Variants in PTPRN2 observed in about 807,000 individuals in gnomAD.
PTPRN2 encodes protein tyrosine phosphatase receptor type N2.
In PTPRN2, 74 loss-of-function variants were observed where a neutral mutation model predicts 118.8. The ratio of observed to expected loss-of-function variants is 0.62; its 90% CI spans 0.52 to 0.76. The LOEUF is 0.76. Ranked by LOEUF, PTPRN2 falls within the 30% of genes least tolerant of loss-of-function variation. PTPRN2 has a pLI of 0.00. For missense variants in PTPRN2, 1,481 were observed against 1,394.4 expected (o/e 1.06, Z -0.99); for synonymous variants, 641 against 608.0 (o/e 1.05, Z -0.80).
intron 3 of PTPRN2, among the ~76,000 whole-genome samples, chr7:158,212,318 T>C (rs1010677469): frequency 2.0e-5 from 3 of 152,168 alleles, no homozygotes; most frequent in South Asian, 2.1e-4. Flanking sequence ...TGGTACTTGA[T>C]AGCACAACAG....
Position 157,610,953 on chromosome 7 carries a change from C to T in PTPRN2, c.2345-6878G>A, listed in dbSNP as rs1442858050. Among the ~76,000 whole-genome samples the T allele has an allele frequency of 6.6e-6, 1 of 152,226 alleles. No homozygotes were observed. The highest frequency in any genetic ancestry group is 1.5e-5 in the Non-Finnish European group (1 of 68,042). On this transcript the variant is annotated intron_variant, in intron 15 of 22. Coordinates refer to ENST00000389418, the MANE Select transcript of PTPRN2 (RefSeq NM_002847.5). The surrounding 1 kb of genome is among the most constrained non-coding windows in gnomAD (Gnocchi z 5.1). ...CGCAGCTCAGCATACAATGCTGCAT[C>T]TGGGCAGACTGGGACAGGCTGGGGC...
intron 6 of PTPRN2, among the ~76,000 whole-genome samples, chr7:158,159,544 A>G (rs1330839248): frequency 6.6e-6 from 1 of 152,234 alleles, no homozygotes; most frequent in African/African-American, 2.4e-5. Context: ...GAGGGCGCAG[A>G]ACCAAGATGA....
intron 12 of PTPRN2, among the ~76,000 whole-genome samples, chr7:157,807,246 C>T (rs954790557): frequency 6.6e-6 from 1 of 152,190 alleles, no homozygotes; most frequent in African/African-American, 2.4e-5. Flanking sequence ...TCCGTGCCCT[C>T]TTGAGATGGG....
intron 11 of PTPRN2, chr7:158,028,337 G>A (rs12532742): frequency 0.048 from 7,300 of 152,582 alleles, 237 homozygotes; most frequent in Admixed American, 0.087. Context: ...AGGAGAGCAA[G>A]AGCAGAAGCT....
At chr7:158,089,781 C>G in intron 10 of PTPRN2, among the ~76,000 whole-genome samples, 1 of 118,716 alleles carries the variant, frequency 8.4e-6, no homozygotes, top group Non-Finnish European at 1.8e-5. Context: ...GGGGAATGTT[C>G]ACACAAATCC....
chr7:158,116,056 T>G (rs929820041), intron 9 of PTPRN2, among the ~76,000 whole-genome samples: 9 of 152,184 alleles, frequency 5.9e-5, no homozygotes, highest in African/African-American at 2.2e-4. Context: ...CTCACCCACG[T>G]GGGGTAGGCT....
At chr7:158,346,597 T>C (rs1343786919) in intron 2 of PTPRN2, among the ~76,000 whole-genome samples, 1 of 152,188 alleles carries the variant, frequency 6.6e-6, no homozygotes, top group East Asian at 1.9e-4. Context: ...CAGATCTCTC[T>C]TCAACATGCT....
intron 13 of PTPRN2, among the ~76,000 whole-genome samples, chr7:157,675,277 G>T (rs79638539): frequency 0.047 from 7,215 of 152,228 alleles, 279 homozygotes; most frequent in East Asian, 0.13. Context: ...CTCCTGCCGA[G>T]CCCTCACCTC....
intron 1 of PTPRN2, among the ~76,000 whole-genome samples, chr7:158,538,373 G>A (rs370834823): frequency 6.6e-6 from 1 of 152,200 alleles, no homozygotes; most frequent in East Asian, 1.9e-4. Context: ...TCACCCCTGC[G>A]CGGCGTGTCC....
In PTPRN2 at chr7:157,987,147, G is replaced by A. The variant is rs975325264; in HGVS notation, c.1724-88410C>T. On this transcript the variant is annotated intron_variant, in intron 11 of 22. Coordinates refer to ENST00000389418, the MANE Select transcript of PTPRN2 (RefSeq NM_002847.5). This position sits in a 1 kb window ranked among gnomAD's most constrained non-coding sequence, Gnocchi z 4.3. The stretch of plus-strand genomic sequence containing the variant: ...AACAGCTGCACTGCCCCAGCACGCC[G>A]CCCACGCTTGGTCGGCAACACAGAG... 5.3e-5 allele frequency among the ~76,000 whole-genome samples: 8 copies of A among 152,140 alleles called. No homozygotes were observed. The highest frequency in any genetic ancestry group is 2.6e-4 in the Admixed American group (4 of 15,280).
At chr7:157,684,408 GAGA>G (rs1458764374) in intron 12 of PTPRN2, among the ~76,000 whole-genome samples, 13 of 140,928 alleles carry the variant, frequency 9.2e-5, no homozygotes, top group Admixed American at 2.8e-4. Flanking sequence ...GGGGGAGAGG[GAGA>G]GGAGGCGCGG....
chr7:157,730,193 C>CA (rs1002056088), intron 12 of PTPRN2, among the ~76,000 whole-genome samples: 37 of 152,066 alleles, frequency 2.4e-4, no homozygotes, highest in Non-Finnish European at 3.8e-4. Context: ...CCCCTGCCCC[C>CA]CCCCGGGCAC....
rs189361697 is a variant in PTPRN2, at chr7:158,247,178, T to C, written c.278-41905A>G. Among the ~76,000 whole-genome samples, 587 of 152,186 alleles carry C rather than the reference T, an allele frequency of 3.9e-3. 4 individuals are homozygous for C. Among genetic ancestry groups the C allele is most frequent in the Non-Finnish European group, 6.6e-3 (449 of 68,000 alleles). ...CCCCTGCATCTCACTACACAGAGCG[T>C]GGCCCGTGGGTGGCACCCCCCAGCA... is the stretch of plus-strand genomic sequence containing the variant. On this transcript the variant is annotated intron_variant, in intron 3 of 22. Transcript: ENST00000389418.
chr7:158,146,720 CAAA>C (rs1380414832), intron 6 of PTPRN2, among the ~76,000 whole-genome samples: 7 of 88,652 alleles, frequency 7.9e-5, no homozygotes, highest in Non-Finnish European at 9.2e-5. Context: ...GACTCTGCCT[CAAA>C]AAAAAAAAAA....
intron 1 of PTPRN2, among the ~76,000 whole-genome samples, chr7:158,549,069 C>A (rs1292598756): frequency 1.3e-5 from 2 of 152,194 alleles, no homozygotes; most frequent in African/African-American, 4.8e-5. Flanking sequence ...GGGAGCAGGA[C>A]TGAGAAGCTG....
chr7:157,968,219 C>A (rs535830651), intron 11 of PTPRN2, among the ~76,000 whole-genome samples: 1 of 152,162 alleles, frequency 6.6e-6, no homozygotes, highest in African/African-American at 2.4e-5. Flanking sequence ...ATGTAACAAG[C>A]GGTAACTGTG....
At position 158,389,600 on chromosome 7, in the gene PTPRN2, A is replaced by G. The variant is rs143044672; in HGVS notation, c.164-72668T>C. ...AAATAATGGGATCTGCGAAAGATCA[A>G]TACACAAGAAAGGTACATTTGCAAT... On this transcript the variant is annotated intron_variant, in intron 2 of 22. Transcript: ENST00000389418. Among the ~76,000 whole-genome samples the G allele has an allele frequency of 1.0e-3, 154 of 152,384 alleles. 1 individual carries two copies. The East Asian group carries it at 0.025, about 24-fold the overall frequency.
At chr7:157,783,796 A>G (rs2151058780) in intron 12 of PTPRN2, among the ~76,000 whole-genome samples, 1 of 151,846 alleles carries the variant, frequency 6.6e-6, no homozygotes, top group Middle Eastern at 3.4e-3. Flanking sequence ...CTTTTGAGTG[A>G]TTTCCTCCGG....
rs745823224 is a variant in PTPRN2 at position 157,596,225 on chromosome 7, G to T, written c.2419-910C>A. Among the ~76,000 whole-genome samples the T allele has an allele frequency of 3.5e-3, 532 of 152,322 alleles. 1 individual carries two copies. Among genetic ancestry groups the T allele is most frequent in the Non-Finnish European group, 4.6e-3 (313 of 68,030 alleles). On this transcript the variant is annotated intron_variant, in intron 16 of 22. Coordinates refer to ENST00000389418, the MANE Select transcript of PTPRN2 (RefSeq NM_002847.5). The surrounding 1 kb of genome is among the most constrained non-coding windows in gnomAD (Gnocchi z 4.2). The stretch of plus-strand genomic sequence containing the variant: ...TGCTGGAGTTAACTCGTTGTGTGTG[G>T]GGGCTTGTTTTTGTGTATCCTGGAA...
Sources: gnomAD v4.1 joint callset for allele counts (sites outside exome capture counted in the v4.1 genomes callset) on GRCh38, gnomAD v4.1.1 for gene constraint, Gnocchi (gnomAD v3.1) non-coding constraint, MANE v1.5 for transcripts, NCBI Gene and HGNC (gene_info 2026-07-23, HGNC 2026-07-21) for gene names.